Variants in CRNN observed in about 807,000 individuals in gnomAD.
CRNN encodes cornulin, also known as 53 kDa putative calcium-binding protein.
In CRNN, 39 loss-of-function variants were observed where a neutral mutation model predicts 44.7. That is an observed-to-expected ratio of 0.87 (90% CI 0.68 to 1.14). CRNN has a LOEUF of 1.14. Ranked by LOEUF, CRNN falls within the 50% of genes most tolerant of loss-of-function variation. The probability of loss-of-function intolerance (pLI) is 0.00; values close to 1 mark genes in which losing one functional copy is unlikely to be tolerated. For synonymous variants in CRNN, 240 were observed against 231.8 expected, an observed-to-expected ratio of 1.04 and a Z score of -0.32; for missense variants, 606 against 605.1, an observed-to-expected ratio of 1.00 and a Z score of -0.02.
Position 152,410,179 on chromosome 1 carries a change from GGTCTGGGTGGGT to G in CRNN, c.891_902del (p.Pro298_Thr301del). The G allele has an allele frequency of 6.2e-7, 1 of 1,609,858 alleles. No individual in the cohort carries two copies. The highest frequency in any genetic ancestry group is 8.5e-7 in the Non-Finnish European group (1 of 1,178,792). On this transcript the variant is annotated inframe_deletion, in exon 3 of 3. Transcript: ENST00000271835. ...TCTGGTGGCTGCTGTCCTGCTCCACGGTCTGGGTGGGTGTCTGGGTGTGTGTCCCTGCCTGTA... is the reference window on the plus strand; with the variant it reads ...TCTGGTGGCTGCTGTCCTGCTCCACGGTCTGGGTGTGTGTCCCTGCCTGTA...
rs1300747883 is a variant in CRNN, at chr1:152,410,717, T to C, written c.365A>G (p.Glu122Gly). 6.2e-7 allele frequency: 1 copy of C among 1,614,052 alleles called. No individual in the cohort carries two copies. The highest frequency in any genetic ancestry group is 1.6e-4 in the Middle Eastern group (1 of 6,062). Residue 122 changes from glutamate to glycine, a missense_variant, in exon 3 of 3, where the codon GAA (glutamate) becomes GGA (glycine). Glu to Gly is a moderately conservative substitution (Grantham distance 98, BLOSUM62 -2). Transcript: ENST00000271835. The stretch of plus-strand genomic sequence containing the variant: ...CTGCCCTTTCCCCGCCCTTCCCACT[T>C]CAGTGCCACTTCTCTGTCCTTCGCC... ...ELGEGQRSGT[E>G]VGRAGKGQHY...
In CRNN at chr1:152,409,945, C is replaced by T. The variant is rs764185049; in HGVS notation, c.1137G>A (p.Thr379=). 9.4e-5 allele frequency: 151 copies of T among 1,613,978 alleles called. 3 individuals carry two copies. In the South Asian group the frequency reaches 1.4e-3, roughly 15 times the overall value. ...GGAREQGQTQ[T]QPGSGQRWMQ... ...TCCATCTTTGACCACTGCCTGGCTG[C>T]GTCTGGGTCTGTCCCTGTTCTCTAG... The change falls in exon 3 of 3, where the codon ACG becomes ACA. Residue 379 remains threonine (T), a synonymous_variant. Transcript: ENST00000271835.
In CRNN at chr1:152,410,089, G is replaced by A. The variant is rs760762248; in HGVS notation, c.993C>T (p.His331=). The change falls in exon 3 of 3, where the codon CAC becomes CAT. Residue 331 remains histidine, a synonymous_variant. Coordinates refer to ENST00000271835, the MANE Select transcript of CRNN (RefSeq NM_016190.3). ...GGCTGGTCTGGCTCCTGCCTTGACCGTGGATCTCAGTCCCTCTGTTCTGGC... is the reference window on the plus strand; with the variant it reads ...GGCTGGTCTGGCTCCTGCCTTGACCATGGATCTCAGTCCCTCTGTTCTGGC... ...TNGQNRGTEI[H]GQGRSQTSQA... 9.8e-5 allele frequency: 158 copies of A among 1,613,782 alleles called. No homozygotes were observed. The highest frequency in any genetic ancestry group is 2.0e-4 in the East Asian group (9 of 44,870).
Position 152,412,152 on chromosome 1 carries a change from G to C in CRNN, c.82C>G (p.Leu28Val). The C allele has an allele frequency of 6.2e-7, 1 of 1,613,710 alleles. No individual in the cohort carries two copies. The part of the protein sequence containing the change: ...YARTEGNCTA[L>V]TRGELKRLLE... ...AGTCTTTTCAGCTCCCCTCGGGTGA[G>C]CGCTGTGCAGTTGCCCTCCGTCCTT... Residue 28 changes from leucine (L) to valine (V), a missense_variant, in exon 2 of 3, where the codon CTC (leucine) becomes GTC (valine). Coordinates refer to ENST00000271835, the MANE Select transcript of CRNN (RefSeq NM_016190.3).
In CRNN at chr1:152,412,128, G is replaced by C. The variant is rs769539594; in HGVS notation, c.106C>G (p.Leu36Val). The C allele has an allele frequency of 4.3e-6, 7 of 1,611,970 alleles. No homozygotes were observed. The East Asian group carries it at 1.6e-4, about 36-fold the overall frequency. ...ACATCGGCAAACTCTTGCTCCAAGA[G>C]TCTTTTCAGCTCCCCTCGGGTGAGC... ...TALTRGELKR[L>V]LEQEFADVIV... Residue 36 changes from leucine (L) to valine (V), a missense_variant, in exon 2 of 3, where the codon CTC becomes GTC. By Grantham distance (32) the Leu-to-Val change is conservative. Transcript: ENST00000271835.
At position 152,410,702 on chromosome 1, in the gene CRNN, C is replaced by G; in HGVS notation, c.380G>C (p.Gly127Ala). ...GCTCCCCTCATAATGCTGCCCTTTC[C>G]CCGCCCTTCCCACTTCAGTGCCACT... is the stretch of plus-strand genomic sequence containing the variant. ...QRSGTEVGRA[G>A]KGQHYEGSSH... Residue 127 changes from glycine to alanine, a missense_variant, in exon 3 of 3, where the codon GGG becomes GCG. Physicochemically the swap from Gly to Ala is moderately conservative, Grantham distance 60 (BLOSUM62 0). Coordinates refer to ENST00000271835, the MANE Select transcript of CRNN (RefSeq NM_016190.3). 1.2e-6 allele frequency: 2 copies of G among 1,614,062 alleles called. No individual in the cohort carries two copies. Among genetic ancestry groups the G allele is most frequent in the Non-Finnish European group, 1.7e-6 (2 of 1,179,952 alleles).
At position 152,409,616 on chromosome 1, in the gene CRNN, T is replaced by C. The variant is rs779096783; in HGVS notation, c.1466A>G (p.Tyr489Cys). The change falls in exon 3 of 3, where the codon TAC (tyrosine) becomes TGC (cysteine). Residue 489 changes from tyrosine to cysteine, a missense_variant. Transcript: ENST00000271835. The part of the protein sequence containing the change: ...RGITARELYS[Y>C]LRSTKP ...AAGTCATGGCTTGGTGCTTCTCAAGTAGGAATACAGCTCTCTAGCTGTGAT... is the reference window on the plus strand; with the variant it reads ...AAGTCATGGCTTGGTGCTTCTCAAGCAGGAATACAGCTCTCTAGCTGTGAT... 1.9e-6 allele frequency: 3 copies of C among 1,612,174 alleles called. No individual in the cohort carries two copies. Among genetic ancestry groups the C allele is most frequent in the East Asian group, 2.2e-5 (1 of 44,884 alleles).
intron 1 of CRNN, among the ~76,000 whole-genome samples, 186 bp downstream of exon 1, chr1:152,414,028 C>T (rs900721110): frequency 6.6e-6 from 1 of 152,232 alleles, no homozygotes; most frequent in East Asian, 1.9e-4. Flanking sequence ...CCCAGGCCAG[C>T]CTCAGGGAGG....
In CRNN at chr1:152,410,657, T is replaced by G; in HGVS notation, c.425A>C (p.Gln142Pro). 6.2e-7 allele frequency: 1 copy of G among 1,614,074 alleles called. No homozygotes were observed. Among genetic ancestry groups the G allele is most frequent in the African/African-American group, 1.3e-5 (1 of 75,052 alleles). ...YEGSSHRQSQ[Q>P]GSRGQNRPGV... ...AGGCCTGTTCTGCCCTCTGGAACCCTGCTGGCTCTGTCTGTGGCTGCTCCC... is the reference window on the plus strand; with the variant it reads ...AGGCCTGTTCTGCCCTCTGGAACCCGGCTGGCTCTGTCTGTGGCTGCTCCC... The change falls in exon 3 of 3, where the codon CAG (glutamine) becomes CCG (proline). Residue 142 changes from glutamine (Q) to proline (P), a missense_variant. Transcript: ENST00000271835.
In CRNN at chr1:152,410,123, G is replaced by A; in HGVS notation, c.959C>T (p.Ser320Phe). Residue 320 changes from serine (S) to phenylalanine (F), a missense_variant, in exon 3 of 3, where the codon TCC becomes TTC. Transcript: ENST00000271835. ...TGSTSTQTQESTNGQNRGTEI... is the reference protein window; with the variant it reads ...TGSTSTQTQEFTNGQNRGTEI... The stretch of plus-strand genomic sequence containing the variant: ...AGTCCCTCTGTTCTGGCCATTGGTG[G>A]ACTCCTGTGTCTGGGTGCTGGTGCT... 6.2e-7 allele frequency: 1 copy of A among 1,612,970 alleles called. No homozygotes were observed. Among genetic ancestry groups the A allele is most frequent in the Non-Finnish European group, 8.5e-7 (1 of 1,179,848 alleles).
chr1:152,413,104 A>G (rs1019000025), intron 1 of CRNN, among the ~76,000 whole-genome samples: 9 of 152,164 alleles, frequency 5.9e-5, no homozygotes. Flanking sequence ...TGAGGGTCCA[A>G]GTTTCTCTGC....
At position 152,410,324 on chromosome 1, in the gene CRNN, G is replaced by A; in HGVS notation, c.758C>T (p.Thr253Ile). ...EQDSSHQTGR[T>I]SKQTQEATND... is the part of the protein sequence containing the mutation. Reference sequence around the variant, plus strand: ...GGTGGCCTCCTGTGTCTGCTTGCTGGTTCTTCCTGTCTGGTGGCTGCTGTC... The same window carrying A: ...GGTGGCCTCCTGTGTCTGCTTGCTGATTCTTCCTGTCTGGTGGCTGCTGTC... Residue 253 changes from threonine to isoleucine, a missense_variant, in exon 3 of 3, where the codon ACC becomes ATC. Coordinates refer to ENST00000271835, the MANE Select transcript of CRNN (RefSeq NM_016190.3). 6.2e-7 allele frequency: 1 copy of A among 1,613,754 alleles called. No homozygotes were observed. Among genetic ancestry groups the A allele is most frequent in the South Asian group, 1.1e-5 (1 of 91,042 alleles).
intron 2 of CRNN, among the ~76,000 whole-genome samples, chr1:152,411,345 C>G (rs1655758724): frequency 6.6e-6 from 1 of 152,228 alleles, no homozygotes; most frequent in Non-Finnish European, 1.5e-5. Context: ...GTTGGGAACA[C>G]AGCCCCATGG....
Position 152,410,292 on chromosome 1 carries a change from G to C in CRNN, c.790C>G (p.Gln264Glu). The C allele has an allele frequency of 2.5e-6, 4 of 1,613,898 alleles. No homozygotes were observed. The highest frequency in any genetic ancestry group is 3.4e-6 in the Non-Finnish European group (4 of 1,179,976). Residue 264 changes from glutamine to glutamate, a missense_variant, in exon 3 of 3, where the codon CAG becomes GAG. Coordinates refer to ENST00000271835, the MANE Select transcript of CRNN (RefSeq NM_016190.3). ...SKQTQEATND[Q>E]NRGTETHGQG... is the part of the protein sequence containing the mutation. ...CCGTGGGTCTCAGTCCCTCTGTTCT[G>C]GTCATTGGTGGCCTCCTGTGTCTGC...
rs766796729 is a variant in CRNN at position 152,409,824 on chromosome 1, T to C, written c.1258A>G (p.Thr420Ala). The C allele has an allele frequency of 3.0e-5, 48 of 1,613,994 alleles. No individual in the cohort carries two copies. The highest frequency in any genetic ancestry group is 1.9e-5 in the Non-Finnish European group (22 of 1,180,014). Residue 420 changes from threonine to alanine, a missense_variant, in exon 3 of 3, where the codon ACT becomes GCT. By Grantham distance (58) the Thr-to-Ala change is moderately conservative. Transcript: ENST00000271835. ...TCTGTCACACAGCGCCTTGGGTGAG[T>C]GCTGCTCCACTCCTGCCTTCCTGAC... ...TESGRQEWSS[T>A]HPRRCVTEGQ...
Position 152,409,399 on chromosome 1 carries a change from C to T in CRNN, c.*195G>A, listed in dbSNP as rs73001319. 0.014 allele frequency: 15,135 copies of T among 1,050,370 alleles called. 1,403 individuals are homozygous for T. In the African/African-American group the frequency reaches 0.2, roughly 14 times the overall value. The allele number at this position is 1,050,370 out of a possible 1,614,324, so 65.1% of individuals were successfully genotyped here. ...TTCCTGCTCCTGAGAGGGTCTGCAC[C>T]GCAAAGCAGGTAAGAAAGAAGAGTT... On this transcript the variant is annotated 3_prime_UTR_variant, in exon 3 of 3. Coordinates refer to ENST00000271835, the MANE Select transcript of CRNN (RefSeq NM_016190.3).
rs554590431 is a variant in CRNN, at chr1:152,412,205, C to T, written c.29G>A (p.Gly10Glu). Residue 10 changes from glycine to glutamate, a missense_variant, in exon 2 of 3, where the codon GGG becomes GAG. Transcript: ENST00000271835. Reference protein sequence around the residue: MPQLLQNINGIIEAFRRYAR... With the variant: MPQLLQNINEIIEAFRRYAR... ...ATAGCGCCTGAAGGCCTCGATGATC[C>T]CATTAATGTTTTGCAGTAACTGAGG... The T allele has an allele frequency of 4.3e-6, 7 of 1,611,720 alleles. No homozygotes were observed. Among genetic ancestry groups the T allele is most frequent in the Admixed American group, 1.7e-5 (1 of 59,972 alleles).
Position 152,410,923 on chromosome 1 carries a change from A to C in CRNN, c.159T>G (p.Thr53=). 1.9e-6 allele frequency: 3 copies of C among 1,611,150 alleles called. No homozygotes were observed. The highest frequency in any genetic ancestry group is 2.2e-5 in the East Asian group (1 of 44,844). Residue 53 remains threonine, a synonymous_variant, in exon 3 of 3, where the codon ACT becomes ACG. Coordinates refer to ENST00000271835, the MANE Select transcript of CRNN (RefSeq NM_016190.3). ...DVIVKPHDPA[T]VDEVLRLLDE... ...CCAGCAGACGCAGGACCTCATCCAC[A>C]GTTGCTGGATCGTGGGGTTTCTGAG...
At position 152,410,465 on chromosome 1, in the gene CRNN, A is replaced by G; in HGVS notation, c.617T>C (p.Met206Thr). The G allele has an allele frequency of 6.2e-7, 1 of 1,613,808 alleles. No individual in the cohort carries two copies. The highest frequency in any genetic ancestry group is 2.2e-5 in the East Asian group (1 of 44,858). Residue 206 changes from methionine (M) to threonine (T), a missense_variant, in exon 3 of 3, where the codon ATG becomes ACG. Met to Thr is a moderately conservative substitution (Grantham distance 81). Coordinates refer to ENST00000271835, the MANE Select transcript of CRNN (RefSeq NM_016190.3). The part of the protein sequence containing the change: ...GEGKRNQTTE[M>T]RPERQPQTRE... ...GGTCTGTGGCTGTCTCTCTGGCCTC[A>G]TCTCTGTTGTCTGATTCCTCTTGCC...
Sources: gnomAD v4.1 joint callset for allele counts (sites outside exome capture counted in the v4.1 genomes callset) on GRCh38, gnomAD v4.1.1 for gene constraint, MANE v1.5 for transcripts, NCBI Gene and HGNC (gene_info 2026-07-23, HGNC 2026-07-21) for gene names.